The following ZFC3H1 variants were observed in gnomAD, a reference collection of about 807,000 sequenced individuals.
The protein encoded by ZFC3H1 is zinc finger C3H1-type containing, also known as zinc finger C3H1 domain-containing protein.
ZFC3H1 carries 71 observed loss-of-function variants against 243.7 expected under a neutral mutation model. The ratio of observed to expected loss-of-function variants is 0.29; its 90% CI spans 0.24 to 0.36. The LOEUF (loss-of-function observed/expected upper bound fraction) is 0.36, where lower values mean the gene tolerates loss of function less well. Among genes scored for constraint, ZFC3H1 ranks in the 10% least tolerant of loss-of-function variants. ZFC3H1 has a pLI of 1.00. For missense variants in ZFC3H1, 1,966 were observed against 2,317.1 expected, an observed-to-expected ratio of 0.85 and a Z score of 3.11; for synonymous variants, 838 against 813.0, an observed-to-expected ratio of 1.03 and a Z score of -0.52.
In ZFC3H1 at chr12:71,663,698, C is replaced by G. The variant is rs1881259649; in HGVS notation, c.-88G>C. ...CTCGTTTCCCTTCTTTCCTAACGGA[C>G]TGGGTCGGTGCGGTCTTACCCTACT... On this transcript the variant is annotated 5_prime_UTR_variant, in exon 1 of 35. Coordinates refer to ENST00000378743, the MANE Select transcript of ZFC3H1 (RefSeq NM_144982.5). The G allele has an allele frequency of 3.4e-6, 5 of 1,481,644 alleles. No individual in the cohort carries two copies. The African/African-American group carries it at 4.1e-5, about 12-fold the overall frequency. The allele number at this position is 1,481,644 out of a possible 1,614,324, so 91.8% of individuals were successfully genotyped here. A position where few individuals can be genotyped will look rare whatever the true frequency, so the allele number is the denominator to read the frequency against.
At chr12:71,634,084 A>G (rs1001184076) in intron 12 of ZFC3H1, 71 bp downstream of exon 12, 40 of 1,464,586 alleles carry the variant, frequency 2.7e-5, no homozygotes, top group Admixed American at 1.7e-4. Context: ...ACGCTTATTA[A>G]TAACATACAC....
In ZFC3H1 at chr12:71,663,467, C is replaced by T. The variant is rs773914981; in HGVS notation, c.144G>A (p.Gly48=). ...SRSSSSSSGG[G]LLPYPRRRPP... ...GCCTTCGCCGCGGATAGGGTAACAGCCCGCCGCCGCTGCTGCTGCTGCTGC... is the reference window on the plus strand; with the variant it reads ...GCCTTCGCCGCGGATAGGGTAACAGTCCGCCGCCGCTGCTGCTGCTGCTGC... Residue 48 remains glycine (G), a synonymous_variant, in exon 1 of 35, where the codon GGG becomes GGA. Transcript: ENST00000378743. 1.2e-6 allele frequency: 2 copies of T among 1,612,692 alleles called. No individual in the cohort carries two copies. The highest frequency in any genetic ancestry group is 3.3e-5 in the Admixed American group (2 of 60,026).
At chr12:71,634,009 T>C in intron 12 of ZFC3H1, 146 bp downstream of exon 12, 1 of 843,084 alleles carries the variant, frequency 1.2e-6, no homozygotes, top group Non-Finnish European at 1.8e-6. Context: ...TGTAGTGTCA[T>C]TCAACAAAAT....
At chr12:71,624,839 T>C (rs1592587922) in intron 22 of ZFC3H1, among the ~76,000 whole-genome samples, 1 of 152,162 alleles carries the variant, frequency 6.6e-6, no homozygotes, top group South Asian at 2.1e-4. Flanking sequence ...CGGTGGTGCA[T>C]GCCTGTAGTC....
At chr12:71,627,602 T>G in intron 21 of ZFC3H1, 149 bp downstream of exon 21, 1 of 709,580 alleles carries the variant, frequency 1.4e-6, no homozygotes, top group Non-Finnish European at 2.2e-6. Flanking sequence ...TAATAGCTTT[T>G]AAACAATAAA....
At chr12:71,622,181 C>A (rs1880047714) in intron 24 of ZFC3H1, among the ~76,000 whole-genome samples, 1 of 152,150 alleles carries the variant, frequency 6.6e-6, no homozygotes, top group African/African-American at 2.4e-5. Context: ...CAGTAATGTC[C>A]TTTCTTTTCT....
At position 71,656,527 on chromosome 12, in the gene ZFC3H1, A is replaced by AT. The variant is rs1881023232; in HGVS notation, c.1015+357dup. On this transcript the variant is annotated intron_variant, in intron 2 of 34. Coordinates refer to ENST00000378743, the MANE Select transcript of ZFC3H1 (RefSeq NM_144982.5). ...TCACGCTGAAAATTTCAAACCAGGA[A>AT]TAGGAGTAAAACCCTCCTTTACCCG... The AT allele has an allele frequency of 4.5e-6, 3 of 663,222 alleles. No homozygotes were observed. In the East Asian group the frequency reaches 8.4e-5, roughly 18 times the overall value. 41.1% of individuals were successfully genotyped at this position (663,222 alleles called of 1,614,324 possible).
intron 6 of ZFC3H1, among the ~76,000 whole-genome samples, chr12:71,641,586 C>T (rs996896462): frequency 1.3e-5 from 2 of 152,194 alleles, no homozygotes; most frequent in African/African-American, 4.8e-5. Context: ...AATCAAGTCT[C>T]TGGCCCTCAA....
rs751284112 is a variant in ZFC3H1, at chr12:71,644,296, C to T, written c.1302G>A (p.Gln434=). ...STTAKQALRK[Q]QTKAWKKLQQ... Reference sequence around the variant, plus strand: ...GTAGTTTCTTCCATGCCTTTGTTTGCTGCTTCCTCAATGCTTGTTTAGCTT... The same window carrying T: ...GTAGTTTCTTCCATGCCTTTGTTTGTTGCTTCCTCAATGCTTGTTTAGCTT... The change falls in exon 5 of 35, where the codon CAG becomes CAA. Residue 434 remains glutamine (Q), a synonymous_variant. Transcript: ENST00000378743. 6.2e-7 allele frequency: 1 copy of T among 1,613,168 alleles called. No homozygotes were observed. The highest frequency in any genetic ancestry group is 2.2e-5 in the East Asian group (1 of 44,794).
chr12:71,624,524 T>TA (rs1317080739), intron 22 of ZFC3H1, among the ~76,000 whole-genome samples: 1 of 152,222 alleles, frequency 6.6e-6, no homozygotes, highest in Non-Finnish European at 1.5e-5. Context: ...GATATACTCT[T>TA]AGAGATATCA....
chr12:71,620,347 C>T (rs748152926), intron 24 of ZFC3H1, 32 bp from the exon 25 acceptor site: 12 of 1,601,138 alleles, frequency 7.5e-6, no homozygotes, highest in South Asian at 3.3e-5. Flanking sequence ...ACATGAATCA[C>T]GTCAATCATA....
intron 15 of ZFC3H1, 33 bp downstream of exon 15, chr12:71,631,939 A>C: frequency 6.2e-7 from 1 of 1,603,640 alleles, no homozygotes; most frequent in Non-Finnish European, 8.5e-7. Context: ...GGTGAATTCC[A>C]GATTTTAAAG....
chr12:71,662,944 C>A, intron 1 of ZFC3H1, 69 bp downstream of exon 1: 1 of 1,429,564 alleles, frequency 7.0e-7, no homozygotes, highest in East Asian at 2.3e-5. Context: ...ACTCGTCTCA[C>A]AGACCTAGTA....
chr12:71,620,470 T>C (rs1879998392), intron 24 of ZFC3H1, among the ~76,000 whole-genome samples, 155 bp from the exon 25 acceptor site: 1 of 152,226 alleles, frequency 6.6e-6, no homozygotes, highest in African/African-American at 2.4e-5. Context: ...AGCTGGCTTT[T>C]ACTCAAAGGA....
At chr12:71,626,192 G>A in intron 22 of ZFC3H1, 68 bp downstream of exon 22, 1 of 1,482,184 alleles carries the variant, frequency 6.7e-7, no homozygotes. Context: ...CAATTTTTAA[G>A]ATGATCCAAA....
At chr12:71,629,060 G>C in intron 19 of ZFC3H1, 23 bp from the exon 20 acceptor site, 1 of 1,557,268 alleles carries the variant, frequency 6.4e-7, no homozygotes, top group Non-Finnish European at 8.7e-7. Context: ...GGAGAAGATT[G>C]TTAATTGATA....
intron 6 of ZFC3H1, chr12:71,639,468 T>G (rs1366811071): frequency 5.5e-6 from 1 of 180,886 alleles, no homozygotes. Context: ...ATTTGAATGT[T>G]TAATAGTCAG....
intron 2 of ZFC3H1, 189 bp downstream of exon 2, chr12:71,656,696 T>A: frequency 5.0e-6 from 3 of 603,832 alleles, no homozygotes; most frequent in South Asian, 2.8e-5. Flanking sequence ...AGGCAAAAAA[T>A]AAATAAATAA....
At chr12:71,658,998 C>T (rs1881093725) in intron 1 of ZFC3H1, among the ~76,000 whole-genome samples, 1 of 152,162 alleles carries the variant, frequency 6.6e-6, no homozygotes, top group African/African-American at 2.4e-5. Context: ...CCATAAACCA[C>T]TTCTCTCTTG....
Sources: allele counts gnomAD v4.1 joint callset (sites outside exome capture counted in the v4.1 genomes callset), GRCh38; gene constraint gnomAD v4.1.1; transcripts MANE v1.5; gene names NCBI Gene and HGNC (gene_info 2026-07-23, HGNC 2026-07-21).